SLC22A14: variants seen among roughly 807,000 people sequenced by gnomAD.
SLC22A14 encodes the protein organic cation transporter-like 4.
Under a neutral mutation model 53.9 loss-of-function variants are expected in SLC22A14, and 50 were observed. The ratio of observed to expected loss-of-function variants is 0.93; its 90% CI spans 0.74 to 1.17. SLC22A14 has a LOEUF of 1.17. Ranked by LOEUF, SLC22A14 falls within the 50% of genes most tolerant of loss-of-function variation. The pLI is 0.00. For missense variants in SLC22A14, 671 were observed against 734.7 expected, an observed-to-expected ratio of 0.91 and a Z score of 1.00; for synonymous variants, 312 against 303.0, an observed-to-expected ratio of 1.03 and a Z score of -0.31.
At chr3:38,283,499 G>A (rs1180768451) in intron 1 of SLC22A14, among the ~76,000 whole-genome samples, 5 of 152,104 alleles carry the variant, frequency 3.3e-5, no homozygotes, top group Non-Finnish European at 5.9e-5. Flanking sequence ...TGGGGAAATG[G>A]TGCTGGGCTC....
Position 38,307,808 on chromosome 3 carries a change from C to A in SLC22A14, c.775+88C>A, listed in dbSNP as rs536419043. 2 of 1,458,754 alleles carry A rather than the reference C, an allele frequency of 1.4e-6. No individual in the cohort carries two copies. Among genetic ancestry groups the A allele is most frequent in the Non-Finnish European group, 9.4e-7 (1 of 1,058,810 alleles). The allele number at this position is 1,458,754 out of a possible 1,614,324, so 90.4% of individuals were successfully genotyped here. ...GACAAGGGGACATAGTGGCAGGGGG[C>A]GTGGCGGCATAGGCAGATGGCAAGG... On this transcript the variant is annotated intron_variant, in intron 4 of 10. Coordinates refer to ENST00000448498, the MANE Select transcript of SLC22A14 (RefSeq NM_001320033.2). The surrounding 1 kb of genome is among the most constrained non-coding windows in gnomAD (Gnocchi z 4.4).
chr3:38,297,247 A>G (rs992268754), intron 1 of SLC22A14, among the ~76,000 whole-genome samples: 8 of 152,262 alleles, frequency 5.3e-5, no homozygotes, highest in Middle Eastern at 3.4e-3. Context: ...CCCGTGTTTA[A>G]AGGTGGATGC....
rs896112559 is a variant in SLC22A14, at chr3:38,316,190, T to C, written c.1533-134T>C. Reference sequence around the variant, plus strand: ...TTGAAGGAGGCCCAGAAGAAATTATTGCCTACTTGGAATCACACAATGAGG... The same window carrying C: ...TTGAAGGAGGCCCAGAAGAAATTATCGCCTACTTGGAATCACACAATGAGG... On this transcript the variant is annotated intron_variant, in intron 9 of 10. Transcript: ENST00000448498. 14 of 753,180 alleles carry C rather than the reference T, an allele frequency of 1.9e-5. No homozygotes were observed. The African/African-American group carries it at 2.3e-4, about 12-fold the overall frequency. 46.7% of individuals were successfully genotyped at this position (753,180 alleles called of 1,614,324 possible).
chr3:38,304,622 G>C (rs752614057), intron 1 of SLC22A14, among the ~76,000 whole-genome samples: 23 of 152,076 alleles, frequency 1.5e-4, no homozygotes, highest in Non-Finnish European at 2.9e-5. Flanking sequence ...GAACCCCTGG[G>C]CTCAAGTGAT....
intron 1 of SLC22A14, among the ~76,000 whole-genome samples, chr3:38,285,714 T>C (rs1703776907): frequency 6.6e-6 from 1 of 152,240 alleles, no homozygotes; most frequent in Non-Finnish European, 1.5e-5. Context: ...TTGGGCTCTT[T>C]TTTCACAGTT....
At position 38,313,409 on chromosome 3, in the gene SLC22A14, G is replaced by A. The variant is rs775038075; in HGVS notation, c.1087G>A (p.Val363Met). 22 of 1,613,770 alleles carry A rather than the reference G, an allele frequency of 1.4e-5. No individual in the cohort carries two copies. The South Asian group carries it at 1.5e-4, about 11-fold the overall frequency. Reference sequence around the variant, plus strand: ...GTAGCTGCAGCTGCCCAGAAAGAAGGTGACTCGGGCCTCTGTCCTGGACTT... The same window carrying A: ...GTAGCTGCAGCTGCCCAGAAAGAAGATGACTCGGGCCTCTGTCCTGGACTT... ...LDELQLPRKK[V>M]TRASVLDFCK... is the part of the protein sequence containing the mutation. Residue 363 changes from valine (V) to methionine (M), a missense_variant, in exon 7 of 11, where the codon GTG (valine) becomes ATG (methionine). Transcript: ENST00000448498.
intron 1 of SLC22A14, among the ~76,000 whole-genome samples, chr3:38,285,707 G>A (rs1181015180): frequency 6.6e-6 from 1 of 151,998 alleles, no homozygotes; most frequent in African/African-American, 2.4e-5. Context: ...TGTGCATTTG[G>A]GCTCTTTTTT....
chr3:38,280,187 A>G (rs1466411476), upstream of SLC22A14, among the ~76,000 whole-genome samples: 3 of 152,160 alleles, frequency 2.0e-5, no homozygotes, highest in Non-Finnish European at 4.4e-5. Flanking sequence ...CTTTCCTTCC[A>G]CTAATCACCT....
At chr3:38,291,651 T>C (rs888763528) in intron 1 of SLC22A14, among the ~76,000 whole-genome samples, 1 of 152,256 alleles carries the variant, frequency 6.6e-6, no homozygotes, top group African/African-American at 2.4e-5. Context: ...GGATGCAAGC[T>C]GATCCCTCAG....
Position 38,313,019 on chromosome 3 carries a change from G to C in SLC22A14, c.965G>C (p.Arg322Pro). ...CGCAGGATTCTCCCGGAGTCCCCGC[G>C]GTGGCTGATGATGAAAGGGAAGGTG... ...SYIWILPESP[R>P]WLMMKGKVKE... Residue 322 changes from arginine to proline, a missense_variant, in exon 6 of 11, where the codon CGG becomes CCG. By Grantham distance (103) the Arg-to-Pro change is moderately radical. Transcript: ENST00000448498. 6.3e-7 allele frequency: 1 copy of C among 1,585,470 alleles called. No individual in the cohort carries two copies. The highest frequency in any genetic ancestry group is 1.3e-5 in the African/African-American group (1 of 74,852).
intron 1 of SLC22A14, among the ~76,000 whole-genome samples, chr3:38,301,897 ATTAAGT>A (rs1486612446): frequency 6.6e-6 from 1 of 151,736 alleles, no homozygotes; most frequent in East Asian, 1.9e-4. Flanking sequence ...CCATTGATCT[ATTAAGT>A]ATTGATCTAT....
intron 1 of SLC22A14, among the ~76,000 whole-genome samples, chr3:38,288,041 C>T (rs367954676): frequency 7.2e-5 from 11 of 152,168 alleles, no homozygotes; most frequent in African/African-American, 1.2e-4. Context: ...CATCCATCTC[C>T]GGAACGATTT....
intron 6 of SLC22A14, 86 bp from the exon 7 acceptor site, chr3:38,313,302 G>A (rs1321163824): frequency 7.2e-7 from 1 of 1,381,860 alleles, no homozygotes; most frequent in East Asian, 2.3e-5. Flanking sequence ...CACTTTCAGG[G>A]ACAGGCAGGC....
intron 4 of SLC22A14, among the ~76,000 whole-genome samples, chr3:38,308,342 G>C (rs1696549): frequency 0.35 from 52,846 of 152,002 alleles, 9,465 homozygotes; most frequent in East Asian, 0.55. Flanking sequence ...TGATGCAGCT[G>C]TCTTCAGCAG....
At chr3:38,304,931 CCT>C (rs1188791746) in intron 1 of SLC22A14, among the ~76,000 whole-genome samples, 3 of 152,100 alleles carry the variant, frequency 2.0e-5, no homozygotes, top group East Asian at 3.9e-4. Context: ...AGTCTCTTTA[CCT>C]CTCTCTCACA....
rs1213665686 is a variant in SLC22A14 at position 38,309,069 on chromosome 3, G to A, written c.891G>A (p.Gln297=). The change falls in exon 5 of 11, where the codon CAG becomes CAA. Residue 297 remains glutamine, a synonymous_variant. Coordinates refer to ENST00000448498, the MANE Select transcript of SLC22A14 (RefSeq NM_001320033.2). Reference sequence around the variant, plus strand: ...TCGCCTACAGTCTTCCCCACTGGCAGCTGCTGTTTCTGGTGGGTGGGATAC... The same window carrying A: ...TCGCCTACAGTCTTCCCCACTGGCAACTGCTGTTTCTGGTGGGTGGGATAC... ...TGIAYSLPHW[Q]LLFLVGGILV... is the part of the protein sequence containing the mutation. 2 of 1,614,142 alleles carry A rather than the reference G, an allele frequency of 1.2e-6. No homozygotes were observed. Among genetic ancestry groups the A allele is most frequent in the South Asian group, 1.1e-5 (1 of 91,084 alleles).
rs757051399 is a variant in SLC22A14 at position 38,306,402 on chromosome 3, G to T, written c.376G>T (p.Gly126Cys). The T allele has an allele frequency of 1.9e-6, 3 of 1,614,198 alleles. 1 individual carries two copies. The East Asian group carries it at 6.7e-5, about 36-fold the overall frequency. ...TCTGACCATACCCCAAGCACCCAAT[G>T]GCAGTTTCCTGACATGCTTCATGTA... is the stretch of plus-strand genomic sequence containing the variant. ...LNLTIPQAPNGSFLTCFMYLP... is the reference protein window; with the variant it reads ...LNLTIPQAPNCSFLTCFMYLP... The change falls in exon 2 of 11, where the codon GGC becomes TGC. Residue 126 changes from glycine (G) to cysteine (C), a missense_variant. Gly to Cys is a radical substitution (Grantham distance 159). Coordinates refer to ENST00000448498, the MANE Select transcript of SLC22A14 (RefSeq NM_001320033.2).
intron 1 of SLC22A14, among the ~76,000 whole-genome samples, chr3:38,291,211 T>C (rs1703906509): frequency 6.6e-6 from 1 of 152,246 alleles, no homozygotes; most frequent in African/African-American, 2.4e-5. Context: ...ACCCCGCTTT[T>C]CGAAGTCCTT....
upstream of SLC22A14, among the ~76,000 whole-genome samples, chr3:38,280,061 A>T (rs1703632749): frequency 6.6e-6 from 1 of 152,170 alleles, no homozygotes. Context: ...GCTTGCTGAC[A>T]TCACAGCCTG....
Sources: gnomAD v4.1 joint callset for allele counts (sites outside exome capture counted in the v4.1 genomes callset) on GRCh38, gnomAD v4.1.1 for gene constraint, Gnocchi (gnomAD v3.1) non-coding constraint, MANE v1.5 for transcripts, NCBI Gene and HGNC (gene_info 2026-07-23, HGNC 2026-07-21) for gene names.